Variants in PKD2L2 observed in about 807,000 individuals in gnomAD.
PKD2L2 encodes polycystin 2 like 2, transient receptor potential cation channel, also known as polycystin-2-like protein 2.
PKD2L2 carries 67 observed loss-of-function variants against 83.9 expected under a neutral mutation model. That is an observed-to-expected ratio of 0.80 (90% CI 0.66 to 0.98). PKD2L2 has a LOEUF of 0.98. Among genes scored for constraint, PKD2L2 ranks in the 50% least tolerant of loss-of-function variants. The pLI is 0.00. For missense variants in PKD2L2, 632 were observed against 717.2 expected (o/e 0.88, Z 1.36); for synonymous variants, 223 against 237.8 (o/e 0.94, Z 0.57).
intron 9 of PKD2L2, among the ~76,000 whole-genome samples, chr5:137,922,946 T>G (rs1016039107): frequency 3.3e-5 from 5 of 152,160 alleles, no homozygotes; most frequent in African/African-American, 1.2e-4. Context: ...ATCTCCCCAT[T>G]TTTGAGCATA....
intron 5 of PKD2L2, among the ~76,000 whole-genome samples, chr5:137,904,760 A>C (rs1757231272): frequency 6.6e-6 from 1 of 152,182 alleles, no homozygotes; most frequent in Non-Finnish European, 1.5e-5. Context: ...CCTGAACCTA[A>C]AAGTTAAAAA....
chr5:137,916,343 T>C (rs769322736), intron 8 of PKD2L2, among the ~76,000 whole-genome samples: 1 of 152,116 alleles, frequency 6.6e-6, no homozygotes, highest in Middle Eastern at 3.4e-3. Flanking sequence ...ACCCAGCTAA[T>C]TTTTTATATT....
intron 5 of PKD2L2, among the ~76,000 whole-genome samples, chr5:137,902,125 T>G (rs1052078432): frequency 2.6e-5 from 4 of 151,812 alleles, no homozygotes; most frequent in African/African-American, 9.7e-5. Context: ...AAGGAAAACA[T>G]AGAAACAGAA....
intron 4 of PKD2L2, among the ~76,000 whole-genome samples, chr5:137,897,989 CAG>C (rs796870269): frequency 5.4e-4 from 79 of 146,976 alleles, no homozygotes; most frequent in African/African-American, 1.9e-3. Context: ...TTTTTTGAGA[CAG>C]AGTCTCACTC....
intron 6 of PKD2L2, among the ~76,000 whole-genome samples, chr5:137,907,377 T>C (rs1191320428): frequency 3.9e-5 from 6 of 152,218 alleles, no homozygotes; most frequent in Non-Finnish European, 8.8e-5. Flanking sequence ...TAATTGTAAA[T>C]TGTTTCTTGT....
At chr5:137,895,912 C>G (rs1409074351) in intron 4 of PKD2L2, among the ~76,000 whole-genome samples, 34 of 150,614 alleles carry the variant, frequency 2.3e-4, no homozygotes, top group Admixed American at 7.9e-4. Flanking sequence ...TGTGGTGGCT[C>G]ACACCTGTAA....
chr5:137,900,887 C>T (rs952965806), intron 5 of PKD2L2, among the ~76,000 whole-genome samples: 15 of 152,242 alleles, frequency 9.9e-5, no homozygotes, highest in African/African-American at 3.6e-4. Flanking sequence ...CCTATAATCC[C>T]AGCACTTTGG....
chr5:137,916,775 C>T (rs542809496), intron 8 of PKD2L2, among the ~76,000 whole-genome samples: 3 of 152,236 alleles, frequency 2.0e-5, no homozygotes, highest in Admixed American at 2.0e-4. Context: ...CTGAGCCTGG[C>T]TGCCACCTTT....
chr5:137,937,053 GT>G (rs1760496763), intron 14 of PKD2L2, among the ~76,000 whole-genome samples: 1 of 152,188 alleles, frequency 6.6e-6, no homozygotes, highest in African/African-American at 2.4e-5. Context: ...GAGAAAGACA[GT>G]TTTCTCATAG....
At chr5:137,897,213 C>T (rs1756560701) in intron 4 of PKD2L2, among the ~76,000 whole-genome samples, 1 of 151,814 alleles carries the variant, frequency 6.6e-6, no homozygotes, top group African/African-American at 2.4e-5. Context: ...CATGCCACCA[C>T]ACCCAGATAA....
In PKD2L2 at chr5:137,906,232, G is replaced by C. The variant is rs200931456; in HGVS notation, c.773G>C (p.Gly258Ala). The C allele has an allele frequency of 6.2e-7, 1 of 1,609,398 alleles. No homozygotes were observed. Among genetic ancestry groups the C allele is most frequent in the Non-Finnish European group, 8.5e-7 (1 of 1,177,482 alleles). ...IRLVAEFPAT[G>A]GILTSWQFYS... ...TTGGTGGCAGAATTCCCTGCAACTG[G>C]AGGAATACTTACTTCATGGCAGTTT... Residue 258 changes from glycine to alanine, a missense_variant, in exon 6 of 15, where the codon GGA becomes GCA. Around this residue, in one of 3 missense-constraint regions of PKD2L2, gnomAD observed 399 missense variants for 416.9 expected, o/e 0.96. Transcript: ENST00000508883.
In PKD2L2 at chr5:137,921,767, T is replaced by C. The variant is rs769090886; in HGVS notation, c.1449+11T>C. 5.1e-6 allele frequency: 8 copies of C among 1,558,676 alleles called. No individual in the cohort carries two copies. The highest frequency in any genetic ancestry group is 2.0e-5 in the Admixed American group (1 of 51,128). On this transcript the variant is annotated intron_variant, in intron 9 of 14. Transcript: ENST00000508883. ...TTCTTTGTCCTGCTGGTAAGAATAATACATATTCCTTTCATTTCTTACTTT... is the reference window on the plus strand; with the variant it reads ...TTCTTTGTCCTGCTGGTAAGAATAACACATATTCCTTTCATTTCTTACTTT...
intron 12 of PKD2L2, among the ~76,000 whole-genome samples, chr5:137,933,066 A>AC (rs1554110837): frequency 2.0e-5 from 3 of 150,936 alleles, no homozygotes; most frequent in Non-Finnish European, 3.0e-5. Flanking sequence ...AAAAAAAAAA[A>AC]CCCACGACCT....
At chr5:137,906,665 G>A (rs1274667500) in intron 6 of PKD2L2, among the ~76,000 whole-genome samples, 2 of 152,168 alleles carry the variant, frequency 1.3e-5, no homozygotes, top group South Asian at 2.1e-4. Flanking sequence ...ACAGGGAAAG[G>A]TGATTCCAGA....
intron 8 of PKD2L2, 73 bp downstream of exon 8, chr5:137,909,019 C>T (rs1757589813): frequency 1.3e-6 from 1 of 772,596 alleles, no homozygotes; most frequent in Non-Finnish European, 2.1e-6. Context: ...GTCTAACCTT[C>T]TATGATAAGT....
At chr5:137,906,692 G>T (rs2150019785) in intron 6 of PKD2L2, among the ~76,000 whole-genome samples, 1 of 152,242 alleles carries the variant, frequency 6.6e-6, no homozygotes, top group East Asian at 1.9e-4. Flanking sequence ...ACGCTTTAAT[G>T]TGCACAGTAG....
intron 12 of PKD2L2, among the ~76,000 whole-genome samples, chr5:137,934,950 G>A (rs1334208708): frequency 6.6e-6 from 1 of 152,170 alleles, no homozygotes; most frequent in Non-Finnish European, 1.5e-5. Flanking sequence ...TCTCTGACCA[G>A]AAGAGTACAC....
At chr5:137,939,364 G>C (rs1359807369) in intron 14 of PKD2L2, 1 of 152,706 alleles carries the variant, frequency 6.5e-6, no homozygotes, top group Non-Finnish European at 1.5e-5. Context: ...AGCACCATCA[G>C]AGTTCCTACA....
intron 6 of PKD2L2, among the ~76,000 whole-genome samples, chr5:137,907,258 C>G (rs1554106732): frequency 6.6e-6 from 1 of 152,074 alleles, no homozygotes; most frequent in Non-Finnish European, 1.5e-5. Context: ...CAAGAAAAGT[C>G]AAAGGAAAAT....
Sources: allele counts gnomAD v4.1 joint callset (sites outside exome capture counted in the v4.1 genomes callset), GRCh38; gene constraint gnomAD v4.1.1; regional missense constraint gnomAD v4.1.1; transcripts MANE v1.5; gene names NCBI Gene and HGNC (gene_info 2026-07-23, HGNC 2026-07-21).